The following DROSHA variants were observed in gnomAD, a reference collection of about 807,000 sequenced individuals.
DROSHA encodes ribonuclease 3.
A neutral mutation model predicts 181.9 loss-of-function variants in DROSHA; 56 were observed. That is an observed-to-expected ratio of 0.31 (90% CI 0.25 to 0.38). The LOEUF (loss-of-function observed/expected upper bound fraction) is 0.38, where lower values mean the gene tolerates loss of function less well. DROSHA is among the 10% of genes least tolerant of loss of function. The pLI is 1.00. For missense variants in DROSHA, 1,218 were observed against 1,743.5 expected, an observed-to-expected ratio of 0.70 and a Z score of 5.37; for synonymous variants, 524 against 591.2, an observed-to-expected ratio of 0.89 and a Z score of 1.65.
chr5:31,455,810 T>A lies in DROSHA; in HGVS notation c.2575-4170A>T, dbSNP rs530321063. Reference sequence around the variant, plus strand: ...TGTGCACCACCACACCCAGCTAATTTTTTGTATTTTTTGTAGAGACAGGGT... The same window carrying A: ...TGTGCACCACCACACCCAGCTAATTATTTGTATTTTTTGTAGAGACAGGGT... On this transcript the variant is annotated intron_variant, in intron 20 of 35. Transcript: ENST00000344624. Among the ~76,000 whole-genome samples the A allele has an allele frequency of 1.4e-4, 21 of 151,986 alleles. 1 individual carries two copies. The South Asian group carries it at 2.5e-3, about 18-fold the overall frequency.
intron 35 of DROSHA, among the ~76,000 whole-genome samples, chr5:31,402,920 T>C (rs910133209): frequency 1.3e-5 from 2 of 152,216 alleles, no homozygotes; most frequent in Non-Finnish European, 2.9e-5. Flanking sequence ...GTAGCTGGGA[T>C]TACAGGCGTG....
chr5:31,402,171 G>A (rs371735712), intron 35 of DROSHA, among the ~76,000 whole-genome samples: 4 of 152,154 alleles, frequency 2.6e-5, no homozygotes, highest in East Asian at 3.9e-4. Context: ...GGGTTAAAGC[G>A]GACACATAAC....
chr5:31,425,927 T>A (rs143591513), intron 27 of DROSHA, among the ~76,000 whole-genome samples: 92 of 152,234 alleles, frequency 6.0e-4, no homozygotes, highest in African/African-American at 2.1e-3. Flanking sequence ...GCACTCAAAG[T>A]ATTAAACCCA....
chr5:31,432,466 A>G (rs1744294803), intron 25 of DROSHA, among the ~76,000 whole-genome samples: 1 of 152,102 alleles, frequency 6.6e-6, no homozygotes, highest in Non-Finnish European at 1.5e-5. Context: ...GTAAGTGAGG[A>G]CCCTCAGAAG....
At chr5:31,489,901 G>A (rs146340620) in intron 13 of DROSHA, among the ~76,000 whole-genome samples, 2 of 5,808 alleles carry the variant, frequency 3.4e-4, no homozygotes, top group East Asian at 4.0e-3. Flanking sequence ...TTTTTGACGC[G>A]GAGTTTCGCT....
intron 10 of DROSHA, 123 bp from the exon 11 acceptor site, chr5:31,504,758 G>T: frequency 2.1e-6 from 2 of 930,280 alleles, no homozygotes; most frequent in African/African-American, 1.6e-5. Flanking sequence ...AGGCTGTCAC[G>T]GTTAGAAGAT....
At chr5:31,493,937 TTGTGTGTGTGTG>T (rs67311624) in intron 12 of DROSHA, among the ~76,000 whole-genome samples, 4,086 of 144,752 alleles carry the variant, frequency 0.028, 82 homozygotes, top group South Asian at 0.054. Context: ...TAACCCACCA[TTGTGTGTGTGTG>T]TGTGTGTGTG....
chr5:31,442,819 C>T (rs1745753075), intron 23 of DROSHA, among the ~76,000 whole-genome samples: 1 of 151,958 alleles, frequency 6.6e-6, no homozygotes, highest in Non-Finnish European at 1.5e-5. Context: ...TCTGCCTGGA[C>T]ACTTGTAGGG....
At chr5:31,478,044 T>A (rs1750610913) in intron 16 of DROSHA, among the ~76,000 whole-genome samples, 1 of 152,152 alleles carries the variant, frequency 6.6e-6, no homozygotes, top group Middle Eastern at 3.2e-3. Context: ...AAAACTTGAA[T>A]TTTCAGTTAG....
At chr5:31,507,587 G>A (rs1738138589) in intron 10 of DROSHA, among the ~76,000 whole-genome samples, 1 of 151,946 alleles carries the variant, frequency 6.6e-6, no homozygotes, top group Admixed American at 6.6e-5. Context: ...GTGCACTCCA[G>A]CCGGGGCAAC....
At chr5:31,502,806 A>T (rs1159476982) in intron 11 of DROSHA, among the ~76,000 whole-genome samples, 1 of 152,216 alleles carries the variant, frequency 6.6e-6, no homozygotes, top group African/African-American at 2.4e-5. Context: ...TCACTCTGGG[A>T]TGGCTCTGAG....
chr5:31,511,967 C>T (rs1215095696), intron 8 of DROSHA, among the ~76,000 whole-genome samples: 6 of 151,194 alleles, frequency 4.0e-5, no homozygotes, highest in African/African-American at 9.7e-5. Context: ...GCCTTAAACA[C>T]GAGGACATAA....
intron 23 of DROSHA, 75 bp from the exon 24 acceptor site, chr5:31,437,373 A>G (rs1350963924): frequency 7.3e-6 from 8 of 1,095,032 alleles, no homozygotes; most frequent in Non-Finnish European, 8.4e-6. Context: ...CCCGCAAGAA[A>G]AGAACACATG....
At chr5:31,528,308 T>A (rs1420696244) in intron 4 of DROSHA, among the ~76,000 whole-genome samples, 1 of 152,126 alleles carries the variant, frequency 6.6e-6, no homozygotes. Flanking sequence ...ATCTCTCTCC[T>A]TGAGTGTCTC....
chr5:31,405,767 CTTTTTTT>C (rs67380927), intron 34 of DROSHA, 44 bp from the exon 35 acceptor site: 16,578 of 466,978 alleles, frequency 0.036, 14 homozygotes, highest in East Asian at 0.075. Flanking sequence ...TTTCAAGATT[CTTTTTTT>C]TTTTTTTTTT....
chr5:31,508,690 T>C lies in DROSHA; in HGVS notation c.1518A>G (p.Ala506=), dbSNP rs1216225688. The change falls in exon 10 of 36, where the codon GCA becomes GCG. Residue 506 remains alanine, a synonymous_variant. Transcript: ENST00000344624. ...SSDSEVFDVI[A]EIKRKKAHPD... ...GGTGGGCCTTTTTGCGTTTGATTTC[T>C]GCAATAACGTCAAAAACTTCAGAGT... The C allele has an allele frequency of 1.2e-6, 2 of 1,613,996 alleles. No individual in the cohort carries two copies. Among genetic ancestry groups the C allele is most frequent in the South Asian group, 1.1e-5 (1 of 91,082 alleles).
intron 30 of DROSHA, 41 bp from the exon 31 acceptor site, chr5:31,410,928 C>G (rs1420945410): frequency 1.9e-6 from 3 of 1,610,124 alleles, no homozygotes; most frequent in Non-Finnish European, 8.5e-7. Context: ...ACACATTTCA[C>G]TTTTGACCTC....
chr5:31,497,789 G>A (rs574230720), intron 11 of DROSHA, among the ~76,000 whole-genome samples: 1 of 152,174 alleles, frequency 6.6e-6, no homozygotes, highest in African/African-American at 2.4e-5. Flanking sequence ...TAATTAACCA[G>A]CTCTTTCAGG....
In DROSHA at chr5:31,514,225, GA is replaced by G. The variant is rs1374600096; in HGVS notation, c.1290+762del. On this transcript the variant is annotated intron_variant, in intron 8 of 35. Transcript: ENST00000344624. This position sits in a 1 kb window ranked among gnomAD's most constrained non-coding sequence, Gnocchi z 4.4. The stretch of plus-strand genomic sequence containing the variant: ...ATTCTTCCTTATTTTTCATTTTGGA[GA>G]AAACACACACACACACACACACACA... Among the ~76,000 whole-genome samples the G allele has an allele frequency of 1.5e-5, 2 of 133,718 alleles. No homozygotes were observed. Among genetic ancestry groups the G allele is most frequent in the African/African-American group, 5.7e-5 (2 of 35,080 alleles). 87.7% of individuals were successfully genotyped at this position (133,718 alleles called of 152,430 possible). A position where few individuals can be genotyped will look rare whatever the true frequency, so the allele number is the denominator to read the frequency against.
Sources: gnomAD v4.1 joint callset for allele counts (sites outside exome capture counted in the v4.1 genomes callset) on GRCh38, gnomAD v4.1.1 for gene constraint, Gnocchi (gnomAD v3.1) non-coding constraint, MANE v1.5 for transcripts, NCBI Gene and HGNC (gene_info 2026-07-23, HGNC 2026-07-21) for gene names.